The following TSHR variants were observed in gnomAD, a reference collection of about 807,000 sequenced individuals.
TSHR encodes thyroid stimulating hormone receptor.
A neutral mutation model predicts 64.1 loss-of-function variants in TSHR; 51 were observed. That is an observed-to-expected ratio of 0.80 (90% CI 0.64 to 1.01). The LOEUF (loss-of-function observed/expected upper bound fraction) is 1.01. TSHR is among the 50% of genes least tolerant of loss of function. The probability of loss-of-function intolerance (pLI) is 0.00; values close to 1 mark genes in which losing one functional copy is unlikely to be tolerated. For missense variants in TSHR, 877 were observed against 942.8 expected, an observed-to-expected ratio of 0.93 and a Z score of 0.91; for synonymous variants, 361 against 361.9, an observed-to-expected ratio of 1.00 and a Z score of 0.03.
chr14:80,982,258 G>C (rs4903958), intron 1 of TSHR: 1 of 703,860 alleles, frequency 1.4e-6, no homozygotes, highest in Admixed American at 2.5e-5. Flanking sequence ...TTTCAGTCCC[G>C]AGGCTGGGAA....
rs117254820 is a variant in TSHR at position 80,984,039 on chromosome 14, T to A, written c.170+28189T>A. On this transcript the variant is annotated intron_variant, in intron 1 of 9. Transcript: ENST00000298171. ...AGTAAGGCATACACACACACAAAGA[T>A]AACTAACAGTACCTAGAGAGAGAGT... Among the ~76,000 whole-genome samples, 1,132 of 151,606 alleles carry A rather than the reference T, an allele frequency of 7.5e-3. 9 individuals are homozygous for A. Among genetic ancestry groups the A allele is most frequent in the Non-Finnish European group, 9.7e-3 (659 of 68,014 alleles).
intron 1 of TSHR, among the ~76,000 whole-genome samples, chr14:81,029,156 C>G (rs984296637): frequency 6.6e-6 from 1 of 152,018 alleles, no homozygotes; most frequent in Admixed American, 6.6e-5. Context: ...CAAAGGCCAT[C>G]ATGATTTCCC....
At position 81,105,152 on chromosome 14, in the gene TSHR, C is replaced by G. The variant is rs907553370; in HGVS notation, c.615-3223C>G. On this transcript the variant is annotated intron_variant, in intron 7 of 9. Transcript: ENST00000298171. ...CCAGATAGCCTACCAAGATTTGTGA[C>G]TGATTTATCCAAGCTGGTTACAAAT... The G allele has an allele frequency of 2.9e-5, 29 of 985,342 alleles. No homozygotes were observed. The African/African-American group carries it at 5.1e-4, about 17-fold the overall frequency. 61.0% of individuals were successfully genotyped at this position (985,342 alleles called of 1,614,324 possible). A position where few individuals can be genotyped will look rare whatever the true frequency, so the allele number is the denominator to read the frequency against.
chr14:80,960,330 T>C lies in TSHR; in HGVS notation c.170+4480T>C, dbSNP rs367841814. ...TCACAATCAGTGGTTGTAATCTGAA[T>C]AACAATTGTTTCCAAGCTAAAGAGA... On this transcript the variant is annotated intron_variant, in intron 1 of 9. Coordinates refer to ENST00000298171, the MANE Select transcript of TSHR (RefSeq NM_000369.5). Among the ~76,000 whole-genome samples the C allele has an allele frequency of 1.1e-4, 17 of 152,342 alleles. No homozygotes were observed. In the South Asian group the frequency reaches 2.1e-3, roughly 19 times the overall value.
At chr14:81,108,714 C>T in intron 8 of TSHR, 3 of 1,613,488 alleles carry the variant, frequency 1.9e-6, no homozygotes, top group Non-Finnish European at 2.5e-6. Flanking sequence ...GGTGTACATG[C>T]TCACAGAGGC....
Position 81,143,296 on chromosome 14 carries a change from G to C in TSHR, c.1238G>C (p.Gly413Ala). ...DEFNPCEDIM[G>A]YKFLRIVVWF... ...TTCAACCCGTGTGAAGACATAATGG[G>C]CTACAAGTTCCTGAGAATTGTGGTG... Residue 413 changes from glycine to alanine, a missense_variant, in exon 10 of 10, where the codon GGC (glycine) becomes GCC (alanine). Physicochemically the swap from Gly to Ala is moderately conservative, Grantham distance 60. Coordinates refer to ENST00000298171, the MANE Select transcript of TSHR (RefSeq NM_000369.5). 6.2e-7 allele frequency: 1 copy of C among 1,614,136 alleles called. No homozygotes were observed.
intron 1 of TSHR, among the ~76,000 whole-genome samples, chr14:80,960,189 C>T (rs935911096): frequency 2.0e-5 from 3 of 152,170 alleles, no homozygotes; most frequent in East Asian, 1.9e-4. Flanking sequence ...GTGTGATTCA[C>T]GGTTATTTAA....
intron 1 of TSHR, among the ~76,000 whole-genome samples, chr14:81,038,598 A>C (rs1884768706): frequency 6.6e-6 from 1 of 151,184 alleles, no homozygotes; most frequent in Non-Finnish European, 1.5e-5. Context: ...CGCTAGACAA[A>C]GAAAAAAGAG....
Position 81,092,517 on chromosome 14 carries a change from C to T in TSHR, c.468-14C>T. On this transcript the variant is annotated splice_polypyrimidine_tract_variant and intron_variant, in intron 5 of 9. Transcript: ENST00000298171. ...CATTTTTTCATTAAGTGTTTTTGTC[C>T]CTCTCTCTTGCAGTGAAATTACAGA... 6.2e-7 allele frequency: 1 copy of T among 1,613,510 alleles called. No individual in the cohort carries two copies. Among genetic ancestry groups the T allele is most frequent in the South Asian group, 1.1e-5 (1 of 91,066 alleles).
At chr14:81,130,281 A>G (rs903015058) in intron 8 of TSHR, among the ~76,000 whole-genome samples, 5 of 152,072 alleles carry the variant, frequency 3.3e-5, no homozygotes, top group Non-Finnish European at 4.4e-5. Flanking sequence ...GCTCACTCCA[A>G]TCAGGTTTTC....
At chr14:81,141,596 C>T (rs1281769135) in intron 9 of TSHR, among the ~76,000 whole-genome samples, 1 of 152,110 alleles carries the variant, frequency 6.6e-6, no homozygotes, top group Admixed American at 6.5e-5. Context: ...TGCTTACTGT[C>T]TAATGGAGGA....
chr14:81,102,116 G>A (rs1855838916), intron 7 of TSHR, among the ~76,000 whole-genome samples: 1 of 150,836 alleles, frequency 6.6e-6, no homozygotes, highest in South Asian at 2.1e-4. Context: ...AGCTTGCAGT[G>A]AGCCGAGATC....
chr14:81,129,894 T>C (rs1160119661), intron 8 of TSHR, among the ~76,000 whole-genome samples: 1 of 152,224 alleles, frequency 6.6e-6, no homozygotes, highest in Non-Finnish European at 1.5e-5. Flanking sequence ...CCTAATCATC[T>C]GTATTCCCCT....
intron 1 of TSHR, among the ~76,000 whole-genome samples, chr14:80,991,233 G>T (rs1423669764): frequency 1.3e-5 from 2 of 152,116 alleles, no homozygotes; most frequent in African/African-American, 4.8e-5. Flanking sequence ...CTAAATGCAA[G>T]TTGTTTACCA....
At chr14:81,000,656 G>A (rs776052406) in intron 1 of TSHR, among the ~76,000 whole-genome samples, 6 of 152,176 alleles carry the variant, frequency 3.9e-5, no homozygotes, top group Non-Finnish European at 7.4e-5. Flanking sequence ...TAGCCTCTTC[G>A]TACTCATTCT....
At chr14:81,076,994 CACA>C (rs1887551829) in intron 3 of TSHR, among the ~76,000 whole-genome samples, 2 of 152,082 alleles carry the variant, frequency 1.3e-5, no homozygotes, top group Non-Finnish European at 2.9e-5. Flanking sequence ...TCAGGGTATT[CACA>C]TGCTTTTGCC....
At chr14:80,961,500 C>T (rs545842260) in intron 1 of TSHR, among the ~76,000 whole-genome samples, 1 of 152,092 alleles carries the variant, frequency 6.6e-6, no homozygotes, top group South Asian at 2.1e-4. Flanking sequence ...ATGTGGTGTT[C>T]AAGAGCTTTG....
intron 8 of TSHR, among the ~76,000 whole-genome samples, chr14:81,114,788 G>C (rs1261692610): frequency 6.6e-6 from 1 of 152,228 alleles, no homozygotes; most frequent in Non-Finnish European, 1.5e-5. Flanking sequence ...CTGTCTGACA[G>C]CTTTGAAGAG....
At chr14:81,118,811 T>A (rs911908391) in intron 8 of TSHR, among the ~76,000 whole-genome samples, 49 of 151,322 alleles carry the variant, frequency 3.2e-4, no homozygotes, top group Admixed American at 3.1e-3. Context: ...AACAGCATGG[T>A]ACTGGTACCA....
Sources: gnomAD v4.1 joint callset for allele counts (sites outside exome capture counted in the v4.1 genomes callset) on GRCh38, gnomAD v4.1.1 for gene constraint, MANE v1.5 for transcripts, NCBI Gene and HGNC (gene_info 2026-07-23, HGNC 2026-07-21) for gene names.